The following SDK1 variants were observed in gnomAD, a reference collection of about 807,000 sequenced individuals.
The protein encoded by SDK1 is protein sidekick-1.
In SDK1, 157 loss-of-function variants were observed where a neutral mutation model predicts 245.5. The observed-to-expected ratio is 0.64, with a 90% CI of 0.56 to 0.73. The LOEUF (loss-of-function observed/expected upper bound fraction) is 0.73, where lower values mean the gene tolerates loss of function less well. SDK1 is among the 30% of genes least tolerant of loss of function. SDK1 has a pLI of 0.00. For missense variants in SDK1, 3,583 were observed against 3,002.3 expected, an observed-to-expected ratio of 1.19 and a Z score of -4.52; for synonymous variants, 1,647 against 1,278.5, an observed-to-expected ratio of 1.29 and a Z score of -6.15.
chr7:4,241,039 G>A (rs187809720), intron 42 of SDK1, among the ~76,000 whole-genome samples: 2 of 152,108 alleles, frequency 1.3e-5, no homozygotes, highest in African/African-American at 2.4e-5. Context: ...TATGTTGTTC[G>A]GTTTTTCAGA....
At chr7:3,837,184 T>C (rs1227785688) in intron 5 of SDK1, among the ~76,000 whole-genome samples, 3 of 152,232 alleles carry the variant, frequency 2.0e-5, no homozygotes, top group Non-Finnish European at 2.9e-5. Context: ...ACATTTCTTA[T>C]TCCTATTGCA....
At chr7:3,782,522 T>A (rs543113711) in intron 4 of SDK1, among the ~76,000 whole-genome samples, 69 of 152,176 alleles carry the variant, frequency 4.5e-4, no homozygotes, top group African/African-American at 1.6e-3. Flanking sequence ...CACATAGTAA[T>A]ACAATTATCA....
intron 20 of SDK1, among the ~76,000 whole-genome samples, chr7:4,073,648 A>C (rs1481780275): frequency 2.0e-5 from 3 of 152,216 alleles, no homozygotes; most frequent in African/African-American, 7.2e-5. Context: ...CCCGAGGATC[A>C]AATTATTTAG....
chr7:3,566,383 C>G (rs1779918588), intron 1 of SDK1, among the ~76,000 whole-genome samples: 1 of 151,988 alleles, frequency 6.6e-6, no homozygotes, highest in Non-Finnish European at 1.5e-5. Flanking sequence ...CGCCATCACG[C>G]CCAGCTAATT....
intron 1 of SDK1, among the ~76,000 whole-genome samples, chr7:3,393,252 A>G (rs982193044): frequency 4.6e-5 from 7 of 152,106 alleles, no homozygotes; most frequent in Non-Finnish European, 2.9e-5. Flanking sequence ...GATTACAGGT[A>G]TAAGCCACCA....
intron 1 of SDK1, among the ~76,000 whole-genome samples, chr7:3,509,011 TAGC>T (rs1246435012): frequency 8.5e-5 from 13 of 152,162 alleles, no homozygotes; most frequent in East Asian, 1.9e-4. Context: ...TGGTGGGTCA[TAGC>T]AGGCAGGCAG....
At chr7:3,355,548 T>C (rs1780767130) in intron 1 of SDK1, among the ~76,000 whole-genome samples, 1 of 152,224 alleles carries the variant, frequency 6.6e-6, no homozygotes, top group South Asian at 2.1e-4. Context: ...TTCTCCGTTC[T>C]TTGCATCACC....
intron 1 of SDK1, among the ~76,000 whole-genome samples, chr7:3,441,223 T>A (rs1780186660): frequency 6.6e-6 from 1 of 152,176 alleles, no homozygotes; most frequent in African/African-American, 2.4e-5. Context: ...TTTTATGATT[T>A]ATAAATTAAA....
intron 5 of SDK1, among the ~76,000 whole-genome samples, chr7:3,889,224 T>C (rs1781401627): frequency 6.6e-6 from 1 of 152,246 alleles, no homozygotes; most frequent in African/African-American, 2.4e-5. Flanking sequence ...ATTGGATTCC[T>C]AATACTTCTT....
intron 35 of SDK1, among the ~76,000 whole-genome samples, chr7:4,179,974 G>A (rs947081194): frequency 9.2e-5 from 14 of 152,054 alleles, no homozygotes; most frequent in African/African-American, 1.4e-4. Context: ...GTCTGCCTGC[G>A]CCTGGGCATA....
At chr7:3,691,336 C>T (rs188437939) in intron 4 of SDK1, among the ~76,000 whole-genome samples, 2 of 152,146 alleles carry the variant, frequency 1.3e-5, no homozygotes, top group Non-Finnish European at 2.9e-5. Flanking sequence ...ACTCGAAGTA[C>T]AAGATAAATC....
chr7:3,523,898 G>A (rs1488798763), intron 1 of SDK1, among the ~76,000 whole-genome samples: 1 of 152,144 alleles, frequency 6.6e-6, no homozygotes, highest in Non-Finnish European at 1.5e-5. Flanking sequence ...AAATATTGCT[G>A]TGATTGTGGT....
chr7:4,211,494 G>T (rs1784510139), intron 38 of SDK1, among the ~76,000 whole-genome samples: 1 of 152,138 alleles, frequency 6.6e-6, no homozygotes, highest in South Asian at 2.1e-4. Context: ...GTGGGGTACT[G>T]GCGTGAAGTG....
intron 1 of SDK1, among the ~76,000 whole-genome samples, chr7:3,414,266 A>G (rs1779298518): frequency 6.6e-6 from 1 of 152,180 alleles, no homozygotes; most frequent in East Asian, 1.9e-4. Flanking sequence ...GAAGGGTCCT[A>G]GGGCATTTTC....
chr7:3,969,317 G>A lies in SDK1; in HGVS notation c.1607G>A (p.Gly536Glu), dbSNP rs1322619490. The change falls in exon 11 of 45, where the codon GGG (glycine) becomes GAG (glutamate). Residue 536 changes from glycine to glutamate, a missense_variant. By Grantham distance (98) the Gly-to-Glu change is moderately conservative. Coordinates refer to ENST00000404826, the MANE Select transcript of SDK1 (RefSeq NM_152744.4). ...RIPRFMLLESGGLQIAPVFIQ... is the reference protein window; with the variant it reads ...RIPRFMLLESEGLQIAPVFIQ... ...CCTAGGTTCATGCTTCTTGAATCGG[G>A]GGGTCTACAGATCGCGCCCGTCTTC... 1.9e-6 allele frequency: 3 copies of A among 1,611,038 alleles called. No individual in the cohort carries two copies. Among genetic ancestry groups the A allele is most frequent in the Non-Finnish European group, 1.7e-6 (2 of 1,178,730 alleles).
At chr7:3,779,800 C>G (rs564225265) in intron 4 of SDK1, among the ~76,000 whole-genome samples, 3 of 151,904 alleles carry the variant, frequency 2.0e-5, no homozygotes, top group Non-Finnish European at 4.4e-5. Flanking sequence ...GGCGCGGTGG[C>G]GGGCGCCTGT....
At chr7:3,854,989 G>C (rs543022412) in intron 5 of SDK1, among the ~76,000 whole-genome samples, 1 of 152,162 alleles carries the variant, frequency 6.6e-6, no homozygotes, top group African/African-American at 2.4e-5. Context: ...TTCATCTACA[G>C]TGTCCTCCAG....
chr7:4,228,556 T>G (rs1376564983), intron 40 of SDK1, among the ~76,000 whole-genome samples: 2 of 152,194 alleles, frequency 1.3e-5, no homozygotes, highest in Admixed American at 6.5e-5. Flanking sequence ...TCTTTTCTTT[T>G]TGAAACCGAG....
chr7:3,948,428 G>T (rs903861771), intron 5 of SDK1, among the ~76,000 whole-genome samples: 8 of 151,718 alleles, frequency 5.3e-5, no homozygotes, highest in African/African-American at 1.9e-4. Flanking sequence ...CAGCTAATTT[G>T]TTTTTTTGTA....
Sources: gnomAD v4.1 joint callset for allele counts (sites outside exome capture counted in the v4.1 genomes callset) on GRCh38, gnomAD v4.1.1 for gene constraint, MANE v1.5 for transcripts, NCBI Gene and HGNC (gene_info 2026-07-23, HGNC 2026-07-21) for gene names.